The following MFSD8 variants were observed in gnomAD, a reference collection of about 807,000 sequenced individuals.
The protein encoded by MFSD8 is major facilitator superfamily domain containing 8, also known as major facilitator superfamily domain-containing protein 8.
MFSD8 carries 55 observed loss-of-function variants against 66.4 expected under a neutral mutation model. That is an observed-to-expected ratio of 0.83 (90% confidence interval 0.67 to 1.04). The LOEUF (loss-of-function observed/expected upper bound fraction) is 1.04. Among genes scored for constraint, MFSD8 ranks in the 50% least tolerant of loss-of-function variants. The pLI, the probability that MFSD8 is intolerant of heterozygous loss-of-function variation, is 0.00. For missense variants in MFSD8, 550 were observed against 627.6 expected (o/e 0.88, Z 1.32); for synonymous variants, 202 against 212.8 (o/e 0.95, Z 0.44).
At position 127,919,848 on chromosome 4, in the gene MFSD8, T is replaced by A. The variant is rs1457143386; in HGVS notation, c.*782A>T. 1 of 152,194 alleles carries A rather than the reference T, an allele frequency of 6.6e-6. No homozygotes were observed. Among genetic ancestry groups the A allele is most frequent in the African/African-American group, 2.4e-5 (1 of 41,468 alleles). The allele number at this position is 152,194 out of a possible 1,614,324, so 9.4% of individuals were successfully genotyped here. A position where few individuals can be genotyped will look rare whatever the true frequency, so the allele number is the denominator to read the frequency against. On this transcript the variant is annotated 3_prime_UTR_variant, in exon 12 of 12. Coordinates refer to ENST00000641686, the MANE Select transcript of MFSD8 (RefSeq NM_001371596.2). Reference sequence around the variant, plus strand: ...ATTTACTGTTTTGTATATATATATATAAAATAACACATATCTGGATTATGT... The same window carrying A: ...ATTTACTGTTTTGTATATATATATAAAAAATAACACATATCTGGATTATGT...
At chr4:127,951,415 G>C (rs1441630047) in intron 2 of MFSD8, among the ~76,000 whole-genome samples, 4 of 152,120 alleles carry the variant, frequency 2.6e-5, no homozygotes, top group Non-Finnish European at 5.9e-5. Flanking sequence ...CTTTAGTAGA[G>C]ATGAGGTTTC....
At chr4:127,962,474 A>C (rs992081431) in intron 1 of MFSD8, among the ~76,000 whole-genome samples, 1 of 152,124 alleles carries the variant, frequency 6.6e-6, no homozygotes, top group African/African-American at 2.4e-5. Flanking sequence ...TCTCAAAAAA[A>C]AGTATAGCAG....
chr4:127,953,295 C>T lies in MFSD8; in HGVS notation c.155-3448G>A, dbSNP rs1481539124. ...CCTGAGGTCGGGAGTTCAAGACCAGCCTGACCAACATGGAGAAACCCCGTC... is the reference window on the plus strand; with the variant it reads ...CCTGAGGTCGGGAGTTCAAGACCAGTCTGACCAACATGGAGAAACCCCGTC... On this transcript the variant is annotated intron_variant, in intron 2 of 11. Coordinates refer to ENST00000641686, the MANE Select transcript of MFSD8 (RefSeq NM_001371596.2). Among the ~76,000 whole-genome samples, 3 of 151,640 alleles carry T rather than the reference C, an allele frequency of 2.0e-5. No individual in the cohort carries two copies. The East Asian group carries it at 5.9e-4, about 30-fold the overall frequency.
At chr4:127,946,171 C>T (rs1253035784) in intron 3 of MFSD8, among the ~76,000 whole-genome samples, 2 of 151,960 alleles carry the variant, frequency 1.3e-5, no homozygotes, top group Non-Finnish European at 2.9e-5. Flanking sequence ...GCAATCCTCC[C>T]AACTTGGCCT....
At chr4:127,953,318 G>A (rs1295218633) in intron 2 of MFSD8, among the ~76,000 whole-genome samples, 2 of 151,462 alleles carry the variant, frequency 1.3e-5, no homozygotes, top group African/African-American at 4.9e-5. Flanking sequence ...GAGAAACCCC[G>A]TCTCTACTAA....
intron 7 of MFSD8, among the ~76,000 whole-genome samples, 191 bp downstream of exon 7, chr4:127,938,592 A>AAT (rs1739508884): frequency 2.3e-5 from 3 of 131,018 alleles, no homozygotes; most frequent in African/African-American, 6.4e-5. Context: ...CAAAAAAAAA[A>AAT]AAATAAATAA....
intron 7 of MFSD8, among the ~76,000 whole-genome samples, chr4:127,935,554 C>T (rs977397934): frequency 1.3e-5 from 2 of 151,946 alleles, no homozygotes; most frequent in Admixed American, 6.6e-5. Flanking sequence ...AAGTTTTTAC[C>T]AGACATATTT....
chr4:127,940,198 T>C (rs1009181466), intron 5 of MFSD8, among the ~76,000 whole-genome samples: 1 of 151,966 alleles, frequency 6.6e-6, no homozygotes, highest in African/African-American at 2.4e-5. Flanking sequence ...TATGTACAGA[T>C]ATACATATGG....
chr4:127,927,732 A>C (rs986990151), intron 9 of MFSD8, among the ~76,000 whole-genome samples: 6 of 151,896 alleles, frequency 4.0e-5, no homozygotes, highest in African/African-American at 1.5e-4. Flanking sequence ...TGTCACCCAG[A>C]CTGGAGTGTA....
At chr4:127,955,539 CAA>C (rs34570244) in intron 2 of MFSD8, among the ~76,000 whole-genome samples, 2,781 of 102,566 alleles carry the variant, frequency 0.027, 65 homozygotes, top group African/African-American at 0.085. Flanking sequence ...GACTTTGTCT[CAA>C]AAAAAAAAAA....
Position 127,942,108 on chromosome 4 carries a change from C to A in MFSD8, c.490G>T (p.Glu164Ter), listed in dbSNP as rs1740287578. 6.2e-7 allele frequency: 1 copy of A among 1,613,910 alleles called. No homozygotes were observed. ...SYTAGATSLQ[E>*]RTSSMANISM... The stretch of plus-strand genomic sequence containing the variant: ...ATGTTTGCCATGGAACTTGTTCTTT[C>A]CTGAAGGGAAGTAGCACCAGCAGTA... Residue 164 changes from glutamate (E) to a stop codon, truncating the protein, a stop_gained, in exon 5 of 12, where the codon GAA becomes TAA. Coordinates refer to ENST00000641686, the MANE Select transcript of MFSD8 (RefSeq NM_001371596.2). LOFTEE classifies it high-confidence loss of function.
At chr4:127,964,844 C>T in intron 1 of MFSD8, 1 of 617,282 alleles carries the variant, frequency 1.6e-6, no homozygotes. Flanking sequence ...TGGGTTTCTC[C>T]AGCCCCGTCA....
In MFSD8 at chr4:127,956,257, G is replaced by A. The variant is rs975352126; in HGVS notation, c.154+1244C>T. 2.6e-5 allele frequency among the ~76,000 whole-genome samples: 4 copies of A among 152,070 alleles called. No homozygotes were observed. The South Asian group carries it at 8.3e-4, about 32-fold the overall frequency. ...GCGGTGGCTCAGGCCTGTAATTCCA[G>A]CACTTTGGGAGGCTGAGTCTGGCAG... is the stretch of plus-strand genomic sequence containing the variant. On this transcript the variant is annotated intron_variant, in intron 2 of 11. Transcript: ENST00000641686.
chr4:127,951,993 G>T (rs1415240404), intron 2 of MFSD8, among the ~76,000 whole-genome samples: 2 of 151,916 alleles, frequency 1.3e-5, no homozygotes, highest in African/African-American at 2.4e-5. Context: ...CTCCTAAAAT[G>T]CTGGGATTAC....
intron 2 of MFSD8, 25 bp from the exon 3 acceptor site, chr4:127,949,872 T>C: frequency 6.3e-7 from 1 of 1,582,906 alleles, no homozygotes; most frequent in South Asian, 1.1e-5. Context: ...ACTAGGTTAT[T>C]TATACTTATA....
chr4:127,939,699 T>A, intron 6 of MFSD8, 154 bp downstream of exon 6: 1 of 608,876 alleles, frequency 1.6e-6, no homozygotes, highest in Non-Finnish European at 2.6e-6. Flanking sequence ...TTGCCAGTAT[T>A]ACATGCTTTA....
intron 7 of MFSD8, among the ~76,000 whole-genome samples, chr4:127,937,431 G>T (rs1411289026): frequency 1.3e-5 from 2 of 151,970 alleles, no homozygotes; most frequent in African/African-American, 4.8e-5. Flanking sequence ...TCTCTATCTT[G>T]ATTCCTCTTT....
intron 2 of MFSD8, among the ~76,000 whole-genome samples, chr4:127,950,761 A>G: frequency 6.6e-6 from 1 of 152,198 alleles, no homozygotes; most frequent in African/African-American, 2.4e-5. Flanking sequence ...CTGTTCTTCA[A>G]AATGGCTTTA....
At chr4:127,928,735 C>G (rs1385432008) in intron 9 of MFSD8, among the ~76,000 whole-genome samples, 1 of 152,138 alleles carries the variant, frequency 6.6e-6, no homozygotes, top group East Asian at 1.9e-4. Flanking sequence ...AATCCCATTA[C>G]TAGGTATATA....
Sources: gnomAD v4.1 joint callset for allele counts (sites outside exome capture counted in the v4.1 genomes callset) on GRCh38, gnomAD v4.1.1 for gene constraint, MANE v1.5 for transcripts, NCBI Gene and HGNC (gene_info 2026-07-23, HGNC 2026-07-21) for gene names.